Variants in MYT1L observed in about 807,000 individuals in gnomAD.
MYT1L encodes the protein myelin transcription factor 1 like.
Under a neutral mutation model 126.7 loss-of-function variants are expected in MYT1L, and 12 were observed. The ratio of observed to expected loss-of-function variants is 0.09; its 90% CI spans 0.06 to 0.15. The LOEUF is 0.15. MYT1L is among the 10% of genes least tolerant of loss of function. MYT1L has a pLI of 1.00. For missense variants in MYT1L, 979 were observed against 1,585.2 expected (o/e 0.62, Z 6.49); for synonymous variants, 541 against 604.2 (o/e 0.90, Z 1.53).
intron 21 of MYT1L, among the ~76,000 whole-genome samples, chr2:1,821,530 A>G (rs1156588722): frequency 6.6e-6 from 1 of 152,148 alleles, no homozygotes; most frequent in Non-Finnish European, 1.5e-5. Flanking sequence ...TTTTAAAAAG[A>G]TTGCTCCTCT....
intron 21 of MYT1L, among the ~76,000 whole-genome samples, chr2:1,815,520 T>C (rs1328419666): frequency 6.6e-6 from 1 of 152,204 alleles, no homozygotes; most frequent in East Asian, 1.9e-4. Flanking sequence ...CCTAGAGGGA[T>C]GTCTGTTGCG....
At chr2:2,260,803 G>A (rs2094945548) in intron 2 of MYT1L, among the ~76,000 whole-genome samples, 1 of 152,164 alleles carries the variant, frequency 6.6e-6, no homozygotes, top group Admixed American at 6.5e-5. Context: ...CCTGCAGGGT[G>A]TCTTCAGAAT....
intron 9 of MYT1L, among the ~76,000 whole-genome samples, chr2:1,927,635 G>A (rs970745198): frequency 2.0e-5 from 3 of 152,240 alleles, no homozygotes; most frequent in Non-Finnish European, 1.5e-5. Flanking sequence ...GCAAGTAAAC[G>A]TACAGCTGAA....
intron 13 of MYT1L, among the ~76,000 whole-genome samples, chr2:1,907,454 G>C (rs1249767119): frequency 3.3e-5 from 5 of 152,230 alleles, no homozygotes; most frequent in African/African-American, 1.2e-4. Context: ...ATCAGCCCAA[G>C]GGCAATCTGT....
chr2:2,096,688 C>T (rs953558872), intron 3 of MYT1L, among the ~76,000 whole-genome samples: 2 of 152,110 alleles, frequency 1.3e-5, no homozygotes, highest in African/African-American at 2.4e-5. Flanking sequence ...GGGGTGAGTC[C>T]GCATTGCAGG....
At chr2:1,864,064 G>A (rs374733334) in intron 18 of MYT1L, among the ~76,000 whole-genome samples, 2 of 152,190 alleles carry the variant, frequency 1.3e-5, no homozygotes, top group South Asian at 2.1e-4. Context: ...CCAGGGCTGC[G>A]GCTGCAGGTT....
chr2:2,126,267 A>T (rs564559268), intron 3 of MYT1L, among the ~76,000 whole-genome samples: 1 of 152,348 alleles, frequency 6.6e-6, no homozygotes, highest in Admixed American at 6.5e-5. Flanking sequence ...ATGCTCAATA[A>T]ACAATGATCC....
intron 21 of MYT1L, among the ~76,000 whole-genome samples, chr2:1,830,954 C>T (rs913476612): frequency 1.4e-4 from 22 of 152,212 alleles, no homozygotes; most frequent in Admixed American, 6.5e-4. Flanking sequence ...AAGGCTCCCA[C>T]GCTGCTGTCT....
chr2:2,242,710 C>T (rs2094461739), intron 2 of MYT1L, among the ~76,000 whole-genome samples: 1 of 152,152 alleles, frequency 6.6e-6, no homozygotes, highest in Non-Finnish European at 1.5e-5. Context: ...AAGCCCATTT[C>T]AAGGAGCATT....
At chr2:1,904,670 C>T (rs1293331538) in intron 13 of MYT1L, among the ~76,000 whole-genome samples, 1 of 151,788 alleles carries the variant, frequency 6.6e-6, no homozygotes, top group African/African-American at 2.4e-5. Context: ...CACGCCTGGC[C>T]ATAGATGCAC....
At chr2:1,895,005 G>A (rs902023019) in intron 14 of MYT1L, among the ~76,000 whole-genome samples, 15 of 152,218 alleles carry the variant, frequency 9.9e-5, no homozygotes, top group Non-Finnish European at 1.8e-4. Flanking sequence ...GTTTGTCTGG[G>A]AGAGTTCAGT....
intron 3 of MYT1L, among the ~76,000 whole-genome samples, chr2:2,166,266 C>T (rs1177249361): frequency 6.6e-6 from 1 of 152,104 alleles, no homozygotes; most frequent in African/African-American, 2.4e-5. Flanking sequence ...CAGATAAGTC[C>T]TCATTAAACA....
intron 3 of MYT1L, among the ~76,000 whole-genome samples, chr2:2,087,572 G>T (rs2076481725): frequency 6.6e-6 from 1 of 152,182 alleles, no homozygotes; most frequent in Admixed American, 6.5e-5. Context: ...GCTTCGGCAA[G>T]GTTGGCTTTT....
intron 21 of MYT1L, among the ~76,000 whole-genome samples, chr2:1,817,212 A>G (rs74818258): frequency 0.02 from 3,091 of 152,272 alleles, 92 homozygotes; most frequent in African/African-American, 0.061. Flanking sequence ...GAACAGAACT[A>G]AGTTATGTGC....
chr2:1,985,915 C>T lies in MYT1L; in HGVS notation c.1-6138G>A, dbSNP rs149965688. On this transcript the variant is annotated intron_variant, in intron 5 of 24. Transcript: ENST00000647738. Reference sequence around the variant, plus strand: ...CTCAATGGGTGCCCCCAGCCTCTCCCTCAGATCTGTGTGTGTTGTGAGGGT... The same window carrying T: ...CTCAATGGGTGCCCCCAGCCTCTCCTTCAGATCTGTGTGTGTTGTGAGGGT... Among the ~76,000 whole-genome samples the T allele has an allele frequency of 5.1e-3, 782 of 152,340 alleles. 7 individuals carry two copies. Among genetic ancestry groups the T allele is most frequent in the African/African-American group, 0.018 (744 of 41,578 alleles).
chr2:2,115,633 G>A (rs1278494067), intron 3 of MYT1L, among the ~76,000 whole-genome samples: 1 of 152,244 alleles, frequency 6.6e-6, no homozygotes, highest in Non-Finnish European at 1.5e-5. Flanking sequence ...GCCAGGGCCT[G>A]GGTGACATGC....
At chr2:2,281,335 C>T (rs2095443828) in intron 2 of MYT1L, among the ~76,000 whole-genome samples, 1 of 152,218 alleles carries the variant, frequency 6.6e-6, no homozygotes, top group Non-Finnish European at 1.5e-5. Flanking sequence ...GGTATTTCTT[C>T]ATGGCAGTGT....
intron 18 of MYT1L, among the ~76,000 whole-genome samples, chr2:1,855,672 C>CAT (rs1451269846): frequency 6.6e-6 from 1 of 152,126 alleles, no homozygotes; most frequent in Non-Finnish European, 1.5e-5. Context: ...GTTATATATA[C>CAT]ATATGTATAT....
intron 5 of MYT1L, among the ~76,000 whole-genome samples, chr2:1,988,544 T>C (rs2061225972): frequency 6.6e-6 from 1 of 152,246 alleles, no homozygotes; most frequent in Non-Finnish European, 1.5e-5. Context: ...AGCAGCAGCA[T>C]ACATGTGCAT....
Sources: gnomAD v4.1 joint callset for allele counts (sites outside exome capture counted in the v4.1 genomes callset) on GRCh38, gnomAD v4.1.1 for gene constraint, MANE v1.5 for transcripts, NCBI Gene and HGNC (gene_info 2026-07-23, HGNC 2026-07-21) for gene names.